The following RGS18 variants were observed in gnomAD, a reference collection of about 807,000 sequenced individuals.
RGS18 encodes the protein regulator of G protein signaling 18, also known as regulator of G-protein signaling 18.
A neutral mutation model predicts 27.6 loss-of-function variants in RGS18; 22 were observed. The ratio of observed to expected loss-of-function variants is 0.80; its 90% CI spans 0.57 to 1.14. The LOEUF (loss-of-function observed/expected upper bound fraction) is 1.14. Among genes scored for constraint, RGS18 ranks in the 50% most tolerant of loss-of-function variants. The pLI, the probability that RGS18 is intolerant of heterozygous loss-of-function variation, is 0.00. For missense variants in RGS18, 299 were observed against 269.6 expected, an observed-to-expected ratio of 1.11 and a Z score of -0.76; for synonymous variants, 89 against 84.6, an observed-to-expected ratio of 1.05 and a Z score of -0.29.
chr1:192,161,011 G>A (rs1163501539), intron 3 of RGS18, among the ~76,000 whole-genome samples: 4 of 152,054 alleles, frequency 2.6e-5, no homozygotes, highest in South Asian at 4.2e-4. Flanking sequence ...CACCACGCCC[G>A]GCTAATTTTT....
intron 1 of RGS18, 126 bp from the exon 2 acceptor site, chr1:192,159,094 G>C (rs934968146): frequency 5.8e-5 from 36 of 624,678 alleles, no homozygotes; most frequent in African/African-American, 5.2e-4. Flanking sequence ...TATTTAAATG[G>C]GATTCATGAG....
chr1:192,170,602 G>A (rs1656237375), intron 3 of RGS18, among the ~76,000 whole-genome samples: 1 of 151,564 alleles, frequency 6.6e-6, no homozygotes, highest in African/African-American at 2.4e-5. Flanking sequence ...TAGCATGTCA[G>A]CATGTTTTGT....
intron 3 of RGS18, among the ~76,000 whole-genome samples, chr1:192,167,480 C>T (rs890372259): frequency 1.5e-4 from 23 of 151,864 alleles, no homozygotes; most frequent in East Asian, 3.9e-4. Flanking sequence ...AGTGCAATGA[C>T]GCAATCTCAG....
In RGS18 at chr1:192,161,587, T is replaced by A. The variant is rs538525754; in HGVS notation, c.283+1148T>A. ...AACATCCACCTCAAGCCCACAGCTT[T>A]TTTTTTTTGCACTTTAAACTTGTCC... On this transcript the variant is annotated intron_variant, in intron 3 of 4. Transcript: ENST00000367460. The A allele has an allele frequency of 2.6e-5, 4 of 152,168 alleles. No homozygotes were observed. The East Asian group carries it at 7.7e-4, about 29-fold the overall frequency. 9.4% of individuals were successfully genotyped at this position (152,168 alleles called of 1,614,324 possible).
intron 3 of RGS18, among the ~76,000 whole-genome samples, chr1:192,164,369 A>G (rs1263511434): frequency 6.6e-6 from 1 of 152,220 alleles, no homozygotes; most frequent in African/African-American, 2.4e-5. Flanking sequence ...TTAGGGTGAC[A>G]GACAATATAT....
intron 3 of RGS18, among the ~76,000 whole-genome samples, chr1:192,165,188 G>T (rs796930035): frequency 4.6e-5 from 7 of 152,104 alleles, no homozygotes; most frequent in African/African-American, 1.7e-4. Flanking sequence ...TTGTAGGTAG[G>T]GATGAAACAT....
chr1:192,179,075 A>T (rs191806693), intron 3 of RGS18, among the ~76,000 whole-genome samples: 23 of 151,636 alleles, frequency 1.5e-4, no homozygotes, highest in Admixed American at 1.4e-3. Context: ...AGGGAGTTAA[A>T]CCTAAACAGA....
At position 192,181,258 on chromosome 1, in the gene RGS18, C is replaced by A. The variant is rs766966437; in HGVS notation, c.284-34C>A. ...CAGTAAATGTTTCCAACATTAATAC[C>A]ATTTTATAGTTATATTATTTATTTT... On this transcript the variant is annotated intron_variant, in intron 3 of 4. Transcript: ENST00000367460. The A allele has an allele frequency of 3.5e-5, 41 of 1,167,586 alleles. No homozygotes were observed. The African/African-American group carries it at 6.0e-4, about 17-fold the overall frequency. The allele number at this position is 1,167,586 out of a possible 1,614,324, so 72.3% of individuals were successfully genotyped here. A position where few individuals can be genotyped will look rare whatever the true frequency, so the allele number is the denominator to read the frequency against.
intron 3 of RGS18, among the ~76,000 whole-genome samples, chr1:192,165,281 C>T (rs1288583030): frequency 6.6e-6 from 1 of 152,174 alleles, no homozygotes; most frequent in East Asian, 1.9e-4. Flanking sequence ...TGGTACTCTG[C>T]TCTTGAACCC....
rs1472219618 is a variant in RGS18, at chr1:192,184,998, T to C, written c.*444T>C. 2.3e-5 allele frequency: 4 copies of C among 170,418 alleles called. No homozygotes were observed. In the East Asian group the frequency reaches 6.5e-4, roughly 28 times the overall value. 10.6% of individuals were successfully genotyped at this position (170,418 alleles called of 1,614,324 possible). On this transcript the variant is annotated 3_prime_UTR_variant, in exon 5 of 5. Coordinates refer to ENST00000367460, the MANE Select transcript of RGS18 (RefSeq NM_130782.3). Reference sequence around the variant, plus strand: ...GCATTTTTCATAATGAATGTTCTCTTTTTTTTGGTAATAGTGTAGAAGTGA... The same window carrying C: ...GCATTTTTCATAATGAATGTTCTCTCTTTTTTGGTAATAGTGTAGAAGTGA...
At chr1:192,174,586 C>T (rs913726390) in intron 3 of RGS18, among the ~76,000 whole-genome samples, 1 of 151,768 alleles carries the variant, frequency 6.6e-6, no homozygotes, top group Non-Finnish European at 1.5e-5. Context: ...TATTTTGAAG[C>T]TCTAAATGAA....
intron 3 of RGS18, chr1:192,163,646 A>G (rs1176192248): frequency 6.6e-6 from 1 of 152,086 alleles, no homozygotes; most frequent in East Asian, 1.9e-4. Flanking sequence ...CATGATTACA[A>G]TGCTAAATAT....
intron 3 of RGS18, 170 bp downstream of exon 3, chr1:192,160,609 AT>A (rs1571384053): frequency 4.2e-6 from 2 of 478,096 alleles, no homozygotes; most frequent in African/African-American, 3.9e-5. Context: ...AATAATGGAA[AT>A]TTTTTTAAAA....
intron 4 of RGS18, 46 bp downstream of exon 4, chr1:192,181,504 T>G (rs1162649799): frequency 3.2e-6 from 4 of 1,232,948 alleles, no homozygotes; most frequent in South Asian, 1.7e-5. Flanking sequence ...TTTCAAAATT[T>G]TTTAATAATT....
rs1197571649 is a variant in RGS18 at position 192,184,829 on chromosome 1, A to G, written c.*275A>G. On this transcript the variant is annotated 3_prime_UTR_variant, in exon 5 of 5. Coordinates refer to ENST00000367460, the MANE Select transcript of RGS18 (RefSeq NM_130782.3). ...AGTACAAAAAAAGTAATAATGTTTTATAAGATTGTAGAGTTAAGTAAAAGT... is the reference window on the plus strand; with the variant it reads ...AGTACAAAAAAAGTAATAATGTTTTGTAAGATTGTAGAGTTAAGTAAAAGT... The G allele has an allele frequency of 1.8e-5, 6 of 333,884 alleles. No individual in the cohort carries two copies. In the East Asian group the frequency reaches 3.4e-4, roughly 19 times the overall value. The allele number at this position is 333,884 out of a possible 1,614,324, so 20.7% of individuals were successfully genotyped here. A position where few individuals can be genotyped will look rare whatever the true frequency, so the allele number is the denominator to read the frequency against.
At chr1:192,172,861 A>C (rs1656285347) in intron 3 of RGS18, among the ~76,000 whole-genome samples, 1 of 111,864 alleles carries the variant, frequency 8.9e-6, no homozygotes, top group African/African-American at 2.8e-5. Context: ...TGAGAAAAAT[A>C]TGCATATATA....
chr1:192,162,736 C>T (rs1190232432), intron 3 of RGS18, among the ~76,000 whole-genome samples: 1 of 152,094 alleles, frequency 6.6e-6, no homozygotes, highest in Non-Finnish European at 1.5e-5. Context: ...AACTTGCTTC[C>T]ATAATTCATG....
In RGS18 at chr1:192,158,660, T is replaced by C. The variant is rs1391767928; in HGVS notation, c.23T>C (p.Phe8Ser). 1.3e-6 allele frequency: 2 copies of C among 1,571,682 alleles called. No homozygotes were observed. Among genetic ancestry groups the C allele is most frequent in the East Asian group, 2.3e-5 (1 of 43,984 alleles). Residue 8 changes from phenylalanine to serine, a missense_variant, in exon 1 of 5, where the codon TTT (phenylalanine) becomes TCT (serine). Physicochemically the swap from Phe to Ser is radical, Grantham distance 155 (BLOSUM62 -2). Coordinates refer to ENST00000367460, the MANE Select transcript of RGS18 (RefSeq NM_130782.3). The stretch of plus-strand genomic sequence containing the variant: ...AAGATGGAAACAACATTGCTTTTCT[T>C]TTCTCAAATAAATATGTGTGAATCA... METTLLF[F>S]SQINMCESKE...
chr1:192,169,351 G>A (rs1656216904), intron 3 of RGS18: 3 of 152,136 alleles, frequency 2.0e-5, no homozygotes, highest in Non-Finnish European at 4.4e-5. Flanking sequence ...CTTTCACTGG[G>A]TCAGTGCTAC....
Sources: allele counts gnomAD v4.1 joint callset (sites outside exome capture counted in the v4.1 genomes callset), GRCh38; gene constraint gnomAD v4.1.1; transcripts MANE v1.5; gene names NCBI Gene and HGNC (gene_info 2026-07-23, HGNC 2026-07-21).